Variants in MICAL3 observed in about 807,000 individuals in gnomAD.
The protein encoded by MICAL3 is [F-actin]-monooxygenase MICAL3.
MICAL3 carries 62 observed loss-of-function variants against 207.4 expected under a neutral mutation model. The observed-to-expected ratio is 0.30, with a 90% CI of 0.24 to 0.37. The LOEUF (loss-of-function observed/expected upper bound fraction) is 0.37, where lower values mean the gene tolerates loss of function less well. Ranked by LOEUF, MICAL3 falls within the 10% of genes least tolerant of loss-of-function variation. The pLI is 1.00. For synonymous variants in MICAL3, 1,077 were observed against 1,069.3 expected, an observed-to-expected ratio of 1.01 and a Z score of -0.14; for missense variants, 2,368 against 2,635.6, an observed-to-expected ratio of 0.90 and a Z score of 2.22.
In MICAL3 at chr22:17,908,143, G is replaced by T. The variant is rs540810051; in HGVS notation, c.-74-1257C>A. Reference sequence around the variant, plus strand: ...GGACAAAGGACAAAACTAGTGAGTAGAGAGTGGGTCAGGGTGACAAGACGA... The same window carrying T: ...GGACAAAGGACAAAACTAGTGAGTATAGAGTGGGTCAGGGTGACAAGACGA... On this transcript the variant is annotated intron_variant, in intron 1 of 31. Transcript: ENST00000441493. 1.1e-4 allele frequency among the ~76,000 whole-genome samples: 16 copies of T among 152,274 alleles called. No homozygotes were observed. In the South Asian group the frequency reaches 3.3e-3, roughly 32 times the overall value.
chr22:17,800,972 GT>G (rs1367968330), intron 29 of MICAL3, among the ~76,000 whole-genome samples: 1 of 152,094 alleles, frequency 6.6e-6, no homozygotes, highest in African/African-American at 2.4e-5. Flanking sequence ...AGTGGGGAAC[GT>G]CCCCTTCAAG....
At chr22:17,875,643 G>T in intron 16 of MICAL3, 1 of 556,514 alleles carries the variant, frequency 1.8e-6, no homozygotes, top group Non-Finnish European at 3.0e-6. Flanking sequence ...TGGTTGTAGA[G>T]CCTTTTACTC....
intron 26 of MICAL3, 150 bp from the exon 27 acceptor site, chr22:17,816,934 A>G (rs2146005666): frequency 1.4e-6 from 1 of 693,668 alleles, no homozygotes; most frequent in East Asian, 2.7e-5. Context: ...CTGGGGAGCC[A>G]GGAGCTGGGA....
At chr22:17,912,319 G>T (rs1046526380) in intron 1 of MICAL3, among the ~76,000 whole-genome samples, 14 of 151,542 alleles carry the variant, frequency 9.2e-5, no homozygotes, top group Admixed American at 9.2e-4. Flanking sequence ...GGCTATTCAG[G>T]GTCCCTTGAG....
At chr22:17,914,378 C>T (rs540004542) in intron 1 of MICAL3, among the ~76,000 whole-genome samples, 5 of 152,280 alleles carry the variant, frequency 3.3e-5, no homozygotes, top group African/African-American at 7.2e-5. Flanking sequence ...GCCACATCCA[C>T]GCCTATGGCA....
chr22:17,901,511 A>C (rs552871990), intron 5 of MICAL3, among the ~76,000 whole-genome samples: 2 of 152,224 alleles, frequency 1.3e-5, no homozygotes, highest in African/African-American at 4.8e-5. Context: ...CTCTACAAAA[A>C]ATACAAAAAT....
chr22:17,993,113 T>A (rs1362538803), intron 1 of MICAL3, among the ~76,000 whole-genome samples: 2 of 152,242 alleles, frequency 1.3e-5, no homozygotes, highest in Non-Finnish European at 2.9e-5. Flanking sequence ...CAAGCCCATG[T>A]CACTAGTTAA....
rs1164594858 is a variant in MICAL3 at position 18,024,539 on chromosome 22, G to GGACTCCGCCGT, written c.-334_-333insACGGCGGAGTC. The GGACTCCGCCGT allele has an allele frequency of 4.6e-5, 7 of 151,804 alleles. No homozygotes were observed. Among genetic ancestry groups the GGACTCCGCCGT allele is most frequent in the African/African-American group, 1.7e-4 (7 of 41,400 alleles). 9.4% of individuals were successfully genotyped at this position (151,804 alleles called of 1,614,324 possible). On this transcript the variant is annotated 5_prime_UTR_variant, in exon 1 of 32. Transcript: ENST00000441493. ...GGCGCTCCCCGCCGGGACTCCGCCG[G>GGACTCCGCCGT]GGCTGCAGGAGCGCGCGCTGCTGGC...
chr22:17,903,695 G>A (rs1931504015), intron 3 of MICAL3, among the ~76,000 whole-genome samples: 1 of 152,174 alleles, frequency 6.6e-6, no homozygotes, highest in Non-Finnish European at 1.5e-5. Context: ...TGGGTCCCAA[G>A]ATGCTTTACA....
chr22:18,013,780 ATCTC>A (rs1923888969), intron 1 of MICAL3, among the ~76,000 whole-genome samples: 1 of 151,946 alleles, frequency 6.6e-6, no homozygotes, highest in Admixed American at 6.6e-5. Context: ...TCCAAATACA[ATCTC>A]TCTATCTCCC....
chr22:17,963,337 G>A (rs904640338), intron 1 of MICAL3, among the ~76,000 whole-genome samples: 10 of 152,116 alleles, frequency 6.6e-5, no homozygotes, highest in Non-Finnish European at 1.0e-4. Flanking sequence ...GACACAGGAT[G>A]TTTAAAGGAA....
intron 1 of MICAL3, among the ~76,000 whole-genome samples, chr22:17,948,327 AGAACG>A (rs1349919845): frequency 6.6e-6 from 1 of 152,244 alleles, no homozygotes; most frequent in African/African-American, 2.4e-5. Context: ...AAGAGCTCCC[AGAACG>A]GTCACTTTGG....
At chr22:17,824,868 G>A (rs5992861) in intron 22 of MICAL3, among the ~76,000 whole-genome samples, 67,405 of 152,148 alleles carry the variant, frequency 0.44, 16,385 homozygotes, top group African/African-American at 0.63. Flanking sequence ...GGGACTTCTG[G>A]AGCAAAGATA....
At chr22:18,004,922 A>AT (rs1331541199) in intron 1 of MICAL3, 2 of 147,246 alleles carry the variant, frequency 1.4e-5, no homozygotes, top group Non-Finnish European at 3.0e-5. Flanking sequence ...ATTTATTTTT[A>AT]TTTTTATTTT....
rs35096617 is a variant in MICAL3 at position 17,919,076 on chromosome 22, G to GTTTTTTTTTTTTTTTTT, written c.-74-12191_-74-12190insAAAAAAAAAAAAAAAAA. ...CTCCAAATGTTTTTGGTTTTTGTGG[G>GTTTTTTTTTTTTTTTTT]TTTTTTTTTTTTTTGAGACAGGCTC... is the stretch of plus-strand genomic sequence containing the variant. On this transcript the variant is annotated intron_variant, in intron 1 of 31. Coordinates refer to ENST00000441493, the MANE Select transcript of MICAL3 (RefSeq NM_015241.3). Among the ~76,000 whole-genome samples the GTTTTTTTTTTTTTTTTT allele has an allele frequency of 3.0e-3, 403 of 136,404 alleles. 24 individuals are homozygous for GTTTTTTTTTTTTTTTTT. Among genetic ancestry groups the GTTTTTTTTTTTTTTTTT allele is most frequent in the African/African-American group, 0.011 (387 of 33,750 alleles). The allele number at this position is 136,404 out of a possible 152,430, so 89.5% of individuals were successfully genotyped here. A position where few individuals can be genotyped will look rare whatever the true frequency, so the allele number is the denominator to read the frequency against.
In MICAL3 at chr22:17,841,793, G is replaced by A. The variant is rs1441143912; in HGVS notation, c.2801+29C>T. 6.5e-7 allele frequency: 1 copy of A among 1,538,964 alleles called. No homozygotes were observed. Among genetic ancestry groups the A allele is most frequent in the Non-Finnish European group, 8.7e-7 (1 of 1,142,900 alleles). ...GGAGGCTCTTAGGGCCGTGTGGCGG[G>A]TGGGCGCCCTGCAGCCCTGCGTGCT... On this transcript the variant is annotated intron_variant, in intron 20 of 31. Transcript: ENST00000441493. The surrounding 1 kb of genome is among the most constrained non-coding windows in gnomAD (Gnocchi z 4.2).
At chr22:17,820,633 C>T (rs1486665736) in intron 25 of MICAL3, among the ~76,000 whole-genome samples, 1 of 152,054 alleles carries the variant, frequency 6.6e-6, no homozygotes. Flanking sequence ...GGATTACAGG[C>T]GTGAGCCACC....
intron 1 of MICAL3, among the ~76,000 whole-genome samples, chr22:17,954,600 A>G (rs895101899): frequency 1.3e-5 from 2 of 152,224 alleles, no homozygotes; most frequent in Non-Finnish European, 2.9e-5. Flanking sequence ...AAGATTCAAA[A>G]GGCTGGCTAA....
In MICAL3 at chr22:17,902,487, G is replaced by A. The variant is rs1931405309; in HGVS notation, c.589+144C>T. The A allele has an allele frequency of 3.6e-6, 2 of 558,936 alleles. No individual in the cohort carries two copies. The allele number at this position is 558,936 out of a possible 1,614,324, so 34.6% of individuals were successfully genotyped here. A position where few individuals can be genotyped will look rare whatever the true frequency, so the allele number is the denominator to read the frequency against. ...ATGTGCGCCTGCGACATCTAAGGCT[G>A]CATCCAGGCCAAGTCCCCAAAGGCA... On this transcript the variant is annotated intron_variant, in intron 4 of 31. Coordinates refer to ENST00000441493, the MANE Select transcript of MICAL3 (RefSeq NM_015241.3). The surrounding 1 kb of genome is among the most constrained non-coding windows in gnomAD (Gnocchi z 4.5).
Sources: allele counts gnomAD v4.1 joint callset (sites outside exome capture counted in the v4.1 genomes callset), GRCh38; gene constraint gnomAD v4.1.1; non-coding constraint Gnocchi (gnomAD v3.1); transcripts MANE v1.5; gene names NCBI Gene and HGNC (gene_info 2026-07-23, HGNC 2026-07-21).